AP4S1: variants seen among roughly 807,000 people sequenced by gnomAD.
The protein encoded by AP4S1 is adaptor related protein complex 4 subunit sigma 1, also known as AP-4 complex subunit sigma-1.
AP4S1 carries 23 observed loss-of-function variants against 19.8 expected under a neutral mutation model. The ratio of observed to expected loss-of-function variants is 1.16; its 90% CI spans 0.84 to 1.65. The LOEUF (loss-of-function observed/expected upper bound fraction) is 1.65, where lower values mean the gene tolerates loss of function less well. AP4S1 is among the 40% of genes most tolerant of loss of function. The pLI, the probability that AP4S1 is intolerant of heterozygous loss-of-function variation, is 0.00. For missense variants in AP4S1, 166 were observed against 172.8 expected, an observed-to-expected ratio of 0.96 and a Z score of 0.22; for synonymous variants, 46 against 54.1, an observed-to-expected ratio of 0.85 and a Z score of 0.66.
At chr14:31,030,997 G>T (rs150091772) in intron 1 of AP4S1, among the ~76,000 whole-genome samples, 4 of 152,078 alleles carry the variant, frequency 2.6e-5, no homozygotes, top group Admixed American at 6.6e-5. Context: ...TAATCCCCAC[G>T]TGTCAAGGGA....
intron 5 of AP4S1, among the ~76,000 whole-genome samples, chr14:31,081,654 A>G (rs1887641545): frequency 6.6e-6 from 1 of 151,424 alleles, no homozygotes; most frequent in Non-Finnish European, 1.5e-5. Flanking sequence ...AAATGTTTAT[A>G]TATAAATATT....
intron 4 of AP4S1, among the ~76,000 whole-genome samples, chr14:31,073,665 G>A (rs749143275): frequency 4.0e-5 from 6 of 150,404 alleles, no homozygotes; most frequent in Non-Finnish European, 7.4e-5. Context: ...GTGCAGTGAC[G>A]CGATCTCAGC....
At position 31,093,863 on chromosome 14, in the gene AP4S1, G is replaced by A. The variant is rs1888138383; in HGVS notation, c.*828G>A. ...GAGTCTTGCTCTGTCACCCAAGCTGGAGTGCAGTGGTGTGATCTCAGCTCA... is the reference window on the plus strand; with the variant it reads ...GAGTCTTGCTCTGTCACCCAAGCTGAAGTGCAGTGGTGTGATCTCAGCTCA... On this transcript the variant is annotated 3_prime_UTR_variant, in exon 6 of 6. Transcript: ENST00000542754. The A allele has an allele frequency of 6.6e-6, 1 of 152,026 alleles. No homozygotes were observed. The allele number at this position is 152,026 out of a possible 1,614,324, so 9.4% of individuals were successfully genotyped here. A position where few individuals can be genotyped will look rare whatever the true frequency, so the allele number is the denominator to read the frequency against.
chr14:31,072,047 TCTC>T (rs1887041107), intron 3 of AP4S1, among the ~76,000 whole-genome samples: 1 of 150,918 alleles, frequency 6.6e-6, no homozygotes, highest in Non-Finnish European at 1.5e-5. Context: ...TTCAAGCAAT[TCTC>T]CTGCCTCAGC....
At chr14:31,086,809 A>G (rs1399756419) in intron 5 of AP4S1, among the ~76,000 whole-genome samples, 1 of 152,176 alleles carries the variant, frequency 6.6e-6, no homozygotes, top group Admixed American at 6.5e-5. Context: ...CTTTGGAGCT[A>G]GGAGAAACCT....
intron 1 of AP4S1, among the ~76,000 whole-genome samples, chr14:31,028,626 T>C (rs1884194366): frequency 6.7e-6 from 1 of 148,798 alleles, no homozygotes; most frequent in Non-Finnish European, 1.5e-5. Context: ...CACAGAGACA[T>C]TTGTGGCCAG....
chr14:31,054,858 ACT>A (rs1471583514), intron 1 of AP4S1, among the ~76,000 whole-genome samples: 3 of 120,170 alleles, frequency 2.5e-5, no homozygotes, highest in South Asian at 3.2e-4. Flanking sequence ...ATAGAGCAAG[ACT>A]CTGTCTCAAA....
Position 31,096,280 on chromosome 14 carries a change from C to T in AP4S1, c.*3245C>T, listed in dbSNP as rs1326854346. The T allele has an allele frequency of 6.6e-6, 1 of 151,994 alleles. No individual in the cohort carries two copies. The highest frequency in any genetic ancestry group is 1.5e-5 in the Non-Finnish European group (1 of 68,012). 9.4% of individuals were successfully genotyped at this position (151,994 alleles called of 1,614,324 possible). A position where few individuals can be genotyped will look rare whatever the true frequency, so the allele number is the denominator to read the frequency against. On this transcript the variant is annotated 3_prime_UTR_variant, in exon 6 of 6. Coordinates refer to ENST00000542754, the MANE Select transcript of AP4S1 (RefSeq NM_001128126.3). Reference sequence around the variant, plus strand: ...AAAACCTTTCTATATGCTTTTGCTACCCCGTTAACAGAAGAATATACAGAA... The same window carrying T: ...AAAACCTTTCTATATGCTTTTGCTATCCCGTTAACAGAAGAATATACAGAA...
chr14:31,070,279 G>A (rs1886931615), intron 3 of AP4S1, among the ~76,000 whole-genome samples: 1 of 152,084 alleles, frequency 6.6e-6, no homozygotes, highest in South Asian at 2.1e-4. Context: ...ATTTTTTTAA[G>A]AGACAGGCTA....
At chr14:31,072,612 C>G (rs1887074388) in intron 3 of AP4S1, among the ~76,000 whole-genome samples, 1 of 152,176 alleles carries the variant, frequency 6.6e-6, no homozygotes, top group Non-Finnish European at 1.5e-5. Context: ...CCCAAGCCAT[C>G]CTCTCACCTT....
intron 1 of AP4S1, among the ~76,000 whole-genome samples, chr14:31,044,700 T>C (rs1885292674): frequency 6.6e-6 from 1 of 151,842 alleles, no homozygotes; most frequent in South Asian, 2.1e-4. Context: ...TGCTATGTTT[T>C]TCAGGCTGGT....
chr14:31,070,216 T>C (rs1289630635), intron 3 of AP4S1, among the ~76,000 whole-genome samples: 4 of 152,074 alleles, frequency 2.6e-5, no homozygotes, highest in Non-Finnish European at 5.9e-5. Context: ...ATGGTCTCGA[T>C]CTCCTGACCT....
chr14:31,073,276 G>A (rs1325801033), intron 4 of AP4S1: 9 of 328,682 alleles, frequency 2.7e-5, no homozygotes, highest in African/African-American at 1.3e-4. Context: ...AGATCACAAG[G>A]TCAGGAGATG....
intron 1 of AP4S1, chr14:31,026,254 G>A (rs954788409): frequency 6.0e-6 from 8 of 1,333,794 alleles, no homozygotes; most frequent in South Asian, 1.9e-5. Flanking sequence ...GGAGAGGGTG[G>A]CCCCGCGCTG....
In AP4S1 at chr14:31,066,139, C is replaced by T. The variant is rs936339701; in HGVS notation, c.-58C>T. ...TTTGTCTTCAAGGTTCCAGTTACAG[C>T]CATCCCTTGTCATAACTTTTGAACT... On this transcript the variant is annotated 5_prime_UTR_variant, in exon 2 of 6. Coordinates refer to ENST00000542754, the MANE Select transcript of AP4S1 (RefSeq NM_001128126.3). 3.2e-6 allele frequency: 5 copies of T among 1,565,764 alleles called. No individual in the cohort carries two copies. The African/African-American group carries it at 5.4e-5, about 17-fold the overall frequency.
chr14:31,064,044 C>T (rs1418970975), intron 1 of AP4S1, among the ~76,000 whole-genome samples: 1 of 152,164 alleles, frequency 6.6e-6, no homozygotes, highest in Non-Finnish European at 1.5e-5. Context: ...ATATTATGCT[C>T]ACTTGCATTG....
chr14:31,084,682 G>A (rs1054211482), intron 5 of AP4S1: 9 of 1,590,148 alleles, frequency 5.7e-6, no homozygotes, highest in Admixed American at 1.8e-5. Flanking sequence ...TGTGAAGCCT[G>A]TTTCTACAGG....
Position 31,093,049 on chromosome 14 carries a change from C to G in AP4S1, c.*14C>G. The G allele has an allele frequency of 6.5e-7, 1 of 1,546,674 alleles. No individual in the cohort carries two copies. Among genetic ancestry groups the G allele is most frequent in the South Asian group, 1.2e-5 (1 of 83,124 alleles). ...TCAGAAAGCTGAAAGGAAGTCTCTT[C>G]GAGACAATATGGATTTATCAGAAAT... On this transcript the variant is annotated 3_prime_UTR_variant, in exon 6 of 6. Transcript: ENST00000542754.
chr14:31,062,463 G>T (rs925479389), intron 1 of AP4S1, among the ~76,000 whole-genome samples: 1 of 152,142 alleles, frequency 6.6e-6, no homozygotes, highest in Non-Finnish European at 1.5e-5. Context: ...CTACAGCCCA[G>T]GATAGGTGTC....
Sources: allele counts gnomAD v4.1 joint callset (sites outside exome capture counted in the v4.1 genomes callset), GRCh38; gene constraint gnomAD v4.1.1; transcripts MANE v1.5; gene names NCBI Gene and HGNC (gene_info 2026-07-23, HGNC 2026-07-21).